Variants in KLF12 observed in about 807,000 individuals in gnomAD.
KLF12 encodes the protein KLF transcription factor 12, also known as Krueppel-like factor 12.
Under a neutral mutation model 37.8 loss-of-function variants are expected in KLF12, and 9 were observed. That is an observed-to-expected ratio of 0.24 (90% confidence interval 0.14 to 0.42). The LOEUF (loss-of-function observed/expected upper bound fraction) is 0.42, where lower values mean the gene tolerates loss of function less well. KLF12 is among the 10% of genes least tolerant of loss of function. The probability of loss-of-function intolerance (pLI) is 1.00; values close to 1 mark genes in which losing one functional copy is unlikely to be tolerated. For synonymous variants in KLF12, 208 were observed against 202.1 expected (o/e 1.03, Z -0.25); for missense variants, 411 against 516.0 (o/e 0.80, Z 1.97).
At chr13:74,274,313 C>T in the KLF12 span, among the ~76,000 whole-genome samples, 1 of 152,164 alleles carries the variant, frequency 6.6e-6, no homozygotes, top group African/African-American at 2.4e-5. Flanking sequence ...TCAGCTCATA[C>T]GTCTTCTTTC....
chr13:73,883,664 C>T (rs879943061), intron 3 of KLF12, among the ~76,000 whole-genome samples: 6 of 152,154 alleles, frequency 3.9e-5, no homozygotes, highest in African/African-American at 1.2e-4. Flanking sequence ...AGCAAAGATA[C>T]ATCCATCTTT....
At position 73,796,507 on chromosome 13, in the gene KLF12, C is replaced by CTGTGTGTGTGTGTGTG. The variant is rs5804694; in HGVS notation, c.806+16629_806+16644dup. Among the ~76,000 whole-genome samples, 1,209 of 140,322 alleles carry CTGTGTGTGTGTGTGTG rather than the reference C, an allele frequency of 8.6e-3. 6 individuals are homozygous for CTGTGTGTGTGTGTGTG. The highest frequency in any genetic ancestry group is 0.015 in the Middle Eastern group (4 of 264). 92.1% of individuals were successfully genotyped at this position (140,322 alleles called of 152,430 possible). On this transcript the variant is annotated intron_variant, in intron 5 of 7. Transcript: ENST00000377669. ...CTGTCTCTTTCTCCCTGCCCCTGTG[C>CTGTGTGTGTGTGTGTG]TGTGTGTGTGTGTGTGTGTGTGTGT... is the stretch of plus-strand genomic sequence containing the variant.
At chr13:74,199,959 A>G in the KLF12 span, among the ~76,000 whole-genome samples, 6 of 152,204 alleles carry the variant, frequency 3.9e-5, no homozygotes, top group East Asian at 5.8e-4. Context: ...ATTTTTTTTC[A>G]GTAAACACTT....
chr13:73,884,337 A>AG (rs1464899961), intron 3 of KLF12, among the ~76,000 whole-genome samples: 1 of 152,058 alleles, frequency 6.6e-6, no homozygotes, highest in Admixed American at 6.5e-5. Context: ...ACAAAATACC[A>AG]TTTTCCCAGA....
intron 4 of KLF12, among the ~76,000 whole-genome samples, chr13:73,833,314 G>T (rs2138595758): frequency 6.6e-6 from 1 of 152,282 alleles, no homozygotes; most frequent in Non-Finnish European, 1.5e-5. Flanking sequence ...CTTACCCACA[G>T]GAGTTCATCT....
At chr13:74,241,254 C>T in the KLF12 span, among the ~76,000 whole-genome samples, 37 of 151,608 alleles carry the variant, frequency 2.4e-4, no homozygotes, top group East Asian at 1.2e-3. Context: ...GTTAGGCTGC[C>T]CGGGGGTCAG....
intron 6 of KLF12, among the ~76,000 whole-genome samples, chr13:73,721,417 A>G (rs1269928621): frequency 6.6e-6 from 1 of 152,262 alleles, no homozygotes; most frequent in African/African-American, 2.4e-5. Context: ...GTTATTGAAT[A>G]TAGCCTGCAA....
chr13:74,181,457 C>T, the KLF12 span, among the ~76,000 whole-genome samples: 2 of 150,244 alleles, frequency 1.3e-5, no homozygotes, highest in Middle Eastern at 3.4e-3. Flanking sequence ...CGGAGGCAGG[C>T]GGATCACTTG....
At chr13:73,880,188 A>G (rs1214737729) in intron 3 of KLF12, among the ~76,000 whole-genome samples, 2 of 152,154 alleles carry the variant, frequency 1.3e-5, no homozygotes, top group East Asian at 3.9e-4. Flanking sequence ...TTGGAAACTG[A>G]CACTCAGCCC....
At chr13:74,044,960 A>C (rs1893502005) in intron 1 of KLF12, among the ~76,000 whole-genome samples, 1 of 152,212 alleles carries the variant, frequency 6.6e-6, no homozygotes, top group Non-Finnish European at 1.5e-5. Context: ...ATAAATATCC[A>C]TGAATCCACA....
chr13:73,881,015 T>C (rs1019253462), intron 3 of KLF12, among the ~76,000 whole-genome samples: 3 of 152,188 alleles, frequency 2.0e-5, no homozygotes, highest in African/African-American at 7.2e-5. Context: ...AATTTTTAAA[T>C]GCACCTATTC....
chr13:73,954,118 A>C (rs1281491839), intron 2 of KLF12, among the ~76,000 whole-genome samples: 1 of 151,638 alleles, frequency 6.6e-6, no homozygotes, highest in Non-Finnish European at 1.5e-5. Flanking sequence ...AGCTGGGACT[A>C]CAGGCACCCG....
At chr13:74,113,613 A>G (rs1877107598) in intron 1 of KLF12, among the ~76,000 whole-genome samples, 1 of 152,204 alleles carries the variant, frequency 6.6e-6, no homozygotes, top group African/African-American at 2.4e-5. Flanking sequence ...TTCCTTTCAA[A>G]ATATTACTGC....
At chr13:73,935,639 ATTTATT>A (rs1272560568) in intron 3 of KLF12, among the ~76,000 whole-genome samples, 1 of 151,772 alleles carries the variant, frequency 6.6e-6, no homozygotes, top group African/African-American at 2.4e-5. Context: ...TTATTTATTT[ATTTATT>A]TTTGAGACAG....
At chr13:73,707,092 C>A (rs1875009154) in intron 7 of KLF12, among the ~76,000 whole-genome samples, 1 of 152,046 alleles carries the variant, frequency 6.6e-6, no homozygotes, top group African/African-American at 2.4e-5. Context: ...GAGCACGGTT[C>A]CAGTGAAGAG....
intron 1 of KLF12, among the ~76,000 whole-genome samples, chr13:73,996,877 A>T (rs1219620006): frequency 6.6e-6 from 1 of 152,188 alleles, no homozygotes; most frequent in Non-Finnish European, 1.5e-5. Flanking sequence ...TTATATTCCC[A>T]CTAGGAGAAG....
intron 5 of KLF12, chr13:73,802,086 T>C (rs749737105): frequency 1.3e-5 from 2 of 152,100 alleles, no homozygotes; most frequent in African/African-American, 2.4e-5. Flanking sequence ...ACATTCGATT[T>C]AGTTGGGGGG....
chr13:73,859,941 A>C (rs187338337), intron 3 of KLF12, among the ~76,000 whole-genome samples: 2 of 152,332 alleles, frequency 1.3e-5, no homozygotes, highest in Non-Finnish European at 2.9e-5. Context: ...CTAAAGACTC[A>C]TAACTTTTTT....
At chr13:73,821,914 C>T (rs560768289) in intron 4 of KLF12, among the ~76,000 whole-genome samples, 39 of 152,256 alleles carry the variant, frequency 2.6e-4, no homozygotes, top group African/African-American at 8.9e-4. Context: ...AATACCTATA[C>T]TTTGTATTTA....
Sources: allele counts gnomAD v4.1 joint callset (sites outside exome capture counted in the v4.1 genomes callset), GRCh38; gene constraint gnomAD v4.1.1; transcripts MANE v1.5; gene names NCBI Gene and HGNC (gene_info 2026-07-23, HGNC 2026-07-21).